TPRN: variants seen among roughly 807,000 people sequenced by gnomAD.
The protein encoded by TPRN is chromosome 9 open reading frame 75.
TPRN carries 32 observed loss-of-function variants against 42.6 expected under a neutral mutation model. That is an observed-to-expected ratio of 0.75 (90% confidence interval 0.57 to 1.01). The LOEUF (loss-of-function observed/expected upper bound fraction) is 1.01, where lower values mean the gene tolerates loss of function less well. Among genes scored for constraint, TPRN ranks in the 50% least tolerant of loss-of-function variants. TPRN has a pLI of 0.00. For synonymous variants in TPRN, 541 were observed against 445.6 expected (o/e 1.21, Z -2.70); for missense variants, 1,095 against 957.5 (o/e 1.14, Z -1.90).
rs769184308 is a variant in TPRN, at chr9:137,199,151, T to C, written c.1561A>G (p.Asn521Asp). ...TLQDQHFSQA[N>D]REPRPREAEE... is the part of the protein sequence containing the mutation. ...GCCTCCCGTGGCCGAGGCTCCCTGT[T>C]GGCCTGACTGAAGTGCTGGTCCTGC... The change falls in exon 1 of 4, where the codon AAC (asparagine) becomes GAC (aspartate). Residue 521 changes from asparagine to aspartate, a missense_variant. Transcript: ENST00000409012. The C allele has an allele frequency of 6.2e-7, 1 of 1,613,222 alleles. No homozygotes were observed. Among genetic ancestry groups the C allele is most frequent in the Non-Finnish European group, 8.5e-7 (1 of 1,180,010 alleles).
chr9:137,200,137 C>T lies in TPRN; in HGVS notation c.575G>A (p.Arg192Gln), dbSNP rs1237259464. 9 of 1,226,370 alleles carry T rather than the reference C, an allele frequency of 7.3e-6. No individual in the cohort carries two copies. Among genetic ancestry groups the T allele is most frequent in the African/African-American group, 3.2e-5 (2 of 63,138 alleles). The allele number at this position is 1,226,370 out of a possible 1,614,324, so 76.0% of individuals were successfully genotyped here. Residue 192 changes from arginine to glutamine, a missense_variant, in exon 1 of 4, where the codon CGG (arginine) becomes CAG (glutamine). By Grantham distance (43) the Arg-to-Gln change is conservative. Coordinates refer to ENST00000409012, the MANE Select transcript of TPRN (RefSeq NM_001128228.3). The surrounding 1 kb of genome is among the most constrained non-coding windows in gnomAD (Gnocchi z 4.3). ...PRGGGASPGARRSDFLQKTGS... is the reference protein window; with the variant it reads ...PRGGGASPGAQRSDFLQKTGS... ...GGTCTTCTGGAGGAAGTCGCTGCGC[C>T]GGGCCCCGGGGCTCGCCCCGCCACC...
At position 137,200,084 on chromosome 9, in the gene TPRN, G is replaced by C; in HGVS notation, c.628C>G (p.Arg210Gly). ...TGSNSFTVHP[R>G]GLHRGAGARL... is the part of the protein sequence containing the mutation. ...GCGCCCGCGCCGCGGTGCAGACCCC[G>C]GGGGTGGACGGTGAAGGAGTTGCTG... Residue 210 changes from arginine to glycine, a missense_variant, in exon 1 of 4, where the codon CGG becomes GGG. Transcript: ENST00000409012. The surrounding 1 kb of genome is among the most constrained non-coding windows in gnomAD (Gnocchi z 4.3). The C allele has an allele frequency of 7.2e-7, 1 of 1,393,700 alleles. No individual in the cohort carries two copies. 86.3% of individuals were successfully genotyped at this position (1,393,700 alleles called of 1,614,324 possible).
intron 1 of TPRN, among the ~76,000 whole-genome samples, chr9:137,195,402 G>A (rs976661966): frequency 2.5e-4 from 38 of 152,252 alleles, no homozygotes; most frequent in Non-Finnish European, 2.9e-5. Flanking sequence ...AGAGCTGGCG[G>A]AGAGACGAGA....
chr9:137,193,622 C>T (rs1478248108), intron 1 of TPRN: 2 of 152,420 alleles, frequency 1.3e-5, no homozygotes, highest in Non-Finnish European at 2.9e-5. Flanking sequence ...GCTCCCACTG[C>T]TCAGCTGCAC....
At chr9:137,195,936 C>T (rs1440220653) in intron 1 of TPRN, among the ~76,000 whole-genome samples, 4 of 152,186 alleles carry the variant, frequency 2.6e-5, no homozygotes, top group Non-Finnish European at 5.9e-5. Context: ...GGGCACCTGC[C>T]GCTTCTGCCA....
chr9:137,192,362 A>T lies in TPRN; in HGVS notation c.1970T>A (p.Leu657Gln), dbSNP rs752691960. The T allele has an allele frequency of 3.7e-6, 6 of 1,612,970 alleles. No individual in the cohort carries two copies. Among genetic ancestry groups the T allele is most frequent in the South Asian group, 3.3e-5 (3 of 91,082 alleles). ...AGAGTGCTTCGGGGTGTAGCTGGAC[A>T]GGCCTGTGAATGGAGGTGCACATGC... ...SSRLPEGSSGLSSYTPKHSVA... is the reference protein window; with the variant it reads ...SSRLPEGSSGQSSYTPKHSVA... Residue 657 changes from leucine to glutamine, a missense_variant, in exon 3 of 4, where the codon CTG becomes CAG. Physicochemically the swap from Leu to Gln is moderately radical, Grantham distance 113 (BLOSUM62 -2). Coordinates refer to ENST00000409012, the MANE Select transcript of TPRN (RefSeq NM_001128228.3).
rs1434692013 is a variant in TPRN, at chr9:137,199,052, C to T, written c.1660G>A (p.Val554Met). The T allele has an allele frequency of 4.3e-6, 7 of 1,613,310 alleles. No homozygotes were observed. The highest frequency in any genetic ancestry group is 5.9e-6 in the Non-Finnish European group (7 of 1,180,002). Residue 554 changes from valine (V) to methionine (M), a missense_variant, in exon 1 of 4, where the codon GTG (valine) becomes ATG (methionine). Physicochemically the swap from Val to Met is conservative, Grantham distance 21. Coordinates refer to ENST00000409012, the MANE Select transcript of TPRN (RefSeq NM_001128228.3). The stretch of plus-strand genomic sequence containing the variant: ...TGCAGGGCCAGGTAGCCGCCAATCA[C>T]CTCGATCTCATGCACGGTGGGGTAG... ...KRYPTVHEIE[V>M]IGGYLALQKS... is the part of the protein sequence containing the mutation.
chr9:137,197,121 CAG>C (rs776969871), intron 1 of TPRN, among the ~76,000 whole-genome samples: 17 of 152,156 alleles, frequency 1.1e-4, no homozygotes, highest in South Asian at 4.1e-4. Context: ...CTTTTTGAGA[CAG>C]AGTCTCACTC....
chr9:137,200,630 C>T lies in TPRN; in HGVS notation c.82G>A (p.Ala28Thr), dbSNP rs1834795591. 3.4e-6 allele frequency: 4 copies of T among 1,190,304 alleles called. No individual in the cohort carries two copies. Among genetic ancestry groups the T allele is most frequent in the African/African-American group, 1.6e-5 (1 of 61,550 alleles). The allele number at this position is 1,190,304 out of a possible 1,614,324, so 73.7% of individuals were successfully genotyped here. The change falls in exon 1 of 4, where the codon GCC (alanine) becomes ACC (threonine). Residue 28 changes from alanine to threonine, a missense_variant. Physicochemically the swap from Ala to Thr is moderately conservative, Grantham distance 58 (BLOSUM62 0). Coordinates refer to ENST00000409012, the MANE Select transcript of TPRN (RefSeq NM_001128228.3). The surrounding 1 kb of genome is among the most constrained non-coding windows in gnomAD (Gnocchi z 4.3). ...WKREILERKR[A>T]KLAALGGGAG... ...CCCCCGCCCAGCGCGGCTAGCTTGG[C>T]CCGCTTCCGCTCCAGGATCTCACGC...
In TPRN at chr9:137,192,297, C is replaced by A. The variant is rs747358284; in HGVS notation, c.2035G>T (p.Ala679Ser). The A allele has an allele frequency of 1.2e-6, 2 of 1,613,012 alleles. No individual in the cohort carries two copies. Among genetic ancestry groups the A allele is most frequent in the Middle Eastern group, 3.3e-4 (2 of 6,062 alleles). Residue 679 changes from alanine to serine, a missense_variant, in exon 3 of 4, where the codon GCC becomes TCC. Coordinates refer to ENST00000409012, the MANE Select transcript of TPRN (RefSeq NM_001128228.3). ...SKWQEQALEQ[A>S]PREAEPPPVE... is the part of the protein sequence containing the mutation. Reference sequence around the variant, plus strand: ...GGCGGGGGCTCTGCCTCCCTCGGGGCCTGCTCCAGCGCCTGCTCCTGCCAC... The same window carrying A: ...GGCGGGGGCTCTGCCTCCCTCGGGGACTGCTCCAGCGCCTGCTCCTGCCAC...
At chr9:137,196,719 T>C (rs984531546) in intron 1 of TPRN, among the ~76,000 whole-genome samples, 1 of 152,226 alleles carries the variant, frequency 6.6e-6, no homozygotes, top group Non-Finnish European at 1.5e-5. Flanking sequence ...GGGACAGCCC[T>C]GCCCCACAGC....
Position 137,192,306 on chromosome 9 carries a change from G to A in TPRN, c.2026C>T (p.Leu676=), listed in dbSNP as rs1288193951. Residue 676 remains leucine, a synonymous_variant, in exon 3 of 4, where the codon CTG becomes TTG. Coordinates refer to ENST00000409012, the MANE Select transcript of TPRN (RefSeq NM_001128228.3). ...TCTGCCTCCCTCGGGGCCTGCTCCA[G>A]CGCCTGCTCCTGCCACTTGCTGAAG... ...VAFSKWQEQA[L]EQAPREAEPP... is the part of the protein sequence containing the mutation. 2 of 1,612,972 alleles carry A rather than the reference G, an allele frequency of 1.2e-6. No homozygotes were observed. Among genetic ancestry groups the A allele is most frequent in the African/African-American group, 2.7e-5 (2 of 75,050 alleles).
At position 137,199,146 on chromosome 9, in the gene TPRN, C is replaced by T; in HGVS notation, c.1566G>A (p.Arg522=). 1.9e-6 allele frequency: 3 copies of T among 1,613,252 alleles called. No individual in the cohort carries two copies. Among genetic ancestry groups the T allele is most frequent in the African/African-American group, 1.3e-5 (1 of 75,072 alleles). ...LQDQHFSQAN[R]EPRPREAEEE... is the part of the protein sequence containing the mutation. The stretch of plus-strand genomic sequence containing the variant: ...CCTCGGCCTCCCGTGGCCGAGGCTC[C>T]CTGTTGGCCTGACTGAAGTGCTGGT... Residue 522 remains arginine (R), a synonymous_variant, in exon 1 of 4, where the codon AGG becomes AGA. Transcript: ENST00000409012.
chr9:137,196,200 G>A (rs1406980185), intron 1 of TPRN, among the ~76,000 whole-genome samples: 1 of 152,178 alleles, frequency 6.6e-6, no homozygotes, highest in African/African-American at 2.4e-5. Context: ...GGTGCACAGT[G>A]AGCCGTTGGC....
rs1176910904 is a variant in TPRN, at chr9:137,200,436, G to A, written c.276C>T (p.Leu92=). ...CGATGATGAGGACGCTGTCGGCGCG[G>A]AGGGCGCGCACGCCAGGCACGCGGC... ...RYRRVPGVRA[L]RADSVLIIET... is the part of the protein sequence containing the mutation. Residue 92 remains leucine (L), a synonymous_variant, in exon 1 of 4, where the codon CTC becomes CTT. Coordinates refer to ENST00000409012, the MANE Select transcript of TPRN (RefSeq NM_001128228.3). The surrounding 1 kb of genome is among the most constrained non-coding windows in gnomAD (Gnocchi z 4.3). 4 of 1,121,974 alleles carry A rather than the reference G, an allele frequency of 3.6e-6. No individual in the cohort carries two copies. The highest frequency in any genetic ancestry group is 4.4e-6 in the Non-Finnish European group (4 of 915,326). The allele number at this position is 1,121,974 out of a possible 1,614,324, so 69.5% of individuals were successfully genotyped here.
In TPRN at chr9:137,192,833, G is replaced by C. The variant is rs1231177365; in HGVS notation, c.1726-142C>G. On this transcript the variant is annotated intron_variant, in intron 1 of 3. Transcript: ENST00000409012. ...TCAACCGTTCCGGGGGCTCCAGGAG[G>C]GGGCACAGAGCTCTCCAGCTGGACC... 3.5e-6 allele frequency: 3 copies of C among 859,070 alleles called. No individual in the cohort carries two copies. In the East Asian group the frequency reaches 7.4e-5, roughly 21 times the overall value. 53.2% of individuals were successfully genotyped at this position (859,070 alleles called of 1,614,324 possible). A position where few individuals can be genotyped will look rare whatever the true frequency, so the allele number is the denominator to read the frequency against.
In TPRN at chr9:137,192,458, A is replaced by T. The variant is rs1288956402; in HGVS notation, c.1959T>A (p.Gly653=). ...VRPESSRLPE[G]SSGLSSYTPK... is the part of the protein sequence containing the mutation. ...CCCCAGGTGGGCACTCACCTGAGCTACCCTCTGGCAGCCGAGAGCTCTCGG... is the reference window on the plus strand; with the variant it reads ...CCCCAGGTGGGCACTCACCTGAGCTTCCCTCTGGCAGCCGAGAGCTCTCGG... The change falls in exon 2 of 4, where the codon GGT becomes GGA. Residue 653 remains glycine (G), a synonymous_variant. Transcript: ENST00000409012. 1.2e-6 allele frequency: 2 copies of T among 1,606,362 alleles called. No individual in the cohort carries two copies. The highest frequency in any genetic ancestry group is 1.7e-6 in the Non-Finnish European group (2 of 1,176,986).
Position 137,192,271 on chromosome 9 carries a change from G to C in TPRN, c.2061C>G (p.Pro687=). 2.5e-6 allele frequency: 4 copies of C among 1,613,054 alleles called. No homozygotes were observed. The highest frequency in any genetic ancestry group is 1.1e-5 in the South Asian group (1 of 91,082). The stretch of plus-strand genomic sequence containing the variant: ...CCCCGCATCTCACCATGGCCTCCAC[G>C]GGCGGGGGCTCTGCCTCCCTCGGGG... ...EQAPREAEPP[P]VEAMLTPASQ... The change falls in exon 3 of 4, where the codon CCC becomes CCG. Residue 687 remains proline, a synonymous_variant. Coordinates refer to ENST00000409012, the MANE Select transcript of TPRN (RefSeq NM_001128228.3).
chr9:137,194,927 G>A (rs1165794482), intron 1 of TPRN: 1 of 152,436 alleles, frequency 6.6e-6, no homozygotes, highest in African/African-American at 2.4e-5. Flanking sequence ...AGCCAACAGA[G>A]CAGGCAGGTG....
Sources: allele counts gnomAD v4.1 joint callset (sites outside exome capture counted in the v4.1 genomes callset), GRCh38; gene constraint gnomAD v4.1.1; non-coding constraint Gnocchi (gnomAD v3.1); transcripts MANE v1.5; gene names NCBI Gene and HGNC (gene_info 2026-07-23, HGNC 2026-07-21).